RGS7: variants seen among roughly 807,000 people sequenced by gnomAD.
RGS7 encodes the protein regulator of G-protein signaling 7.
Under a neutral mutation model 81.1 loss-of-function variants are expected in RGS7, and 27 were observed. That is an observed-to-expected ratio of 0.33 (90% CI 0.25 to 0.46). RGS7 has a LOEUF of 0.46. RGS7 is among the 20% of genes least tolerant of loss of function. The pLI is 1.00. For missense variants in RGS7, 396 were observed against 607.4 expected (o/e 0.65, Z 3.66); for synonymous variants, 208 against 207.7 (o/e 1.00, Z -0.01).
At chr1:240,839,501 A>G (rs1180268546) in intron 9 of RGS7, among the ~76,000 whole-genome samples, 1 of 152,218 alleles carries the variant, frequency 6.6e-6, no homozygotes, top group Non-Finnish European at 1.5e-5. Context: ...TATTTAGGAA[A>G]ACTTATCAGT....
At chr1:241,110,974 C>T (rs142901572) in intron 2 of RGS7, among the ~76,000 whole-genome samples, 121 of 152,194 alleles carry the variant, frequency 8.0e-4, no homozygotes, top group Middle Eastern at 3.4e-3. Flanking sequence ...AGTGAGCCAC[C>T]GTGCTTGGCC....
rs759944109 is a variant in RGS7, at chr1:240,813,661, G to A, written c.913C>T (p.Pro305Ser). Residue 305 changes from proline (P) to serine (S), a missense_variant, in exon 13 of 19, where the codon CCA (proline) becomes TCA (serine). Coordinates refer to ENST00000440928, the MANE Select transcript of RGS7 (RefSeq NM_001364886.1). ...PFLLPPDPSNPWLSDDTTFWE... is the reference protein window; with the variant it reads ...PFLLPPDPSNSWLSDDTTFWE... ...AAAGTGGTGTCATCGGACAGCCATG[G>A]GTTAGAAGGGTCAGGTGGCAAAAGA... 1 of 1,613,896 alleles carries A rather than the reference G, an allele frequency of 6.2e-7. No individual in the cohort carries two copies. Among genetic ancestry groups the A allele is most frequent in the Non-Finnish European group, 8.5e-7 (1 of 1,179,782 alleles).
intron 4 of RGS7, among the ~76,000 whole-genome samples, chr1:240,963,755 C>T (rs1004786236): frequency 9.2e-5 from 14 of 152,230 alleles, no homozygotes; most frequent in East Asian, 5.8e-4. Flanking sequence ...GAATAGCTAG[C>T]GTGGACCATG....
intron 2 of RGS7, among the ~76,000 whole-genome samples, chr1:241,355,156 G>A (rs917836628): frequency 1.3e-5 from 2 of 152,048 alleles, no homozygotes; most frequent in African/African-American, 2.4e-5. Context: ...AATACCCCAA[G>A]TCATAAAAGT....
At chr1:240,885,787 TA>T (rs1479369714) in intron 6 of RGS7, among the ~76,000 whole-genome samples, 1 of 152,050 alleles carries the variant, frequency 6.6e-6, no homozygotes, top group Non-Finnish European at 1.5e-5. Context: ...AGAAAAACAT[TA>T]AGTATTGGGT....
rs76725432 is a variant in RGS7 at position 240,826,169 on chromosome 1, C to T, written c.684+929G>A. On this transcript the variant is annotated intron_variant, in intron 10 of 18. Transcript: ENST00000440928. ...TCGCCTCTCTCTTGGAGAGTTCCTACGGGCAGAAGCATTTGAGCACCGCAT... is the reference window on the plus strand; with the variant it reads ...TCGCCTCTCTCTTGGAGAGTTCCTATGGGCAGAAGCATTTGAGCACCGCAT... Among the ~76,000 whole-genome samples the T allele has an allele frequency of 8.3e-3, 1,257 of 152,292 alleles. 17 individuals carry two copies. Among genetic ancestry groups the T allele is most frequent in the African/African-American group, 0.027 (1,119 of 41,554 alleles).
intron 2 of RGS7, among the ~76,000 whole-genome samples, chr1:241,244,162 G>A: frequency 6.6e-6 from 1 of 152,036 alleles, no homozygotes; most frequent in Non-Finnish European, 1.5e-5. Flanking sequence ...CCATCAGAGT[G>A]AACAGGCAAC....
At chr1:241,060,017 C>T (rs562899422) in intron 3 of RGS7, among the ~76,000 whole-genome samples, 11 of 152,244 alleles carry the variant, frequency 7.2e-5, no homozygotes, top group African/African-American at 2.4e-4. Context: ...CTCAAATTCA[C>T]CCATTTCTCT....
At chr1:240,955,426 C>CCT (rs1304561510) in intron 4 of RGS7, among the ~76,000 whole-genome samples, 1 of 151,920 alleles carries the variant, frequency 6.6e-6, no homozygotes, top group African/African-American at 2.4e-5. Context: ...GTGGTGGGCG[C>CCT]CTGTAGTCTC....
At chr1:241,334,911 G>T (rs898455880) in intron 2 of RGS7, among the ~76,000 whole-genome samples, 11 of 152,108 alleles carry the variant, frequency 7.2e-5, no homozygotes, top group African/African-American at 2.7e-4. Flanking sequence ...TGACATATTA[G>T]AAGTCATTAA....
intron 2 of RGS7, among the ~76,000 whole-genome samples, chr1:241,226,907 C>T (rs936136748): frequency 6.6e-6 from 1 of 152,104 alleles, no homozygotes; most frequent in Non-Finnish European, 1.5e-5. Context: ...ATAGGTACTC[C>T]CCTCTTTTTT....
chr1:240,970,413 C>G (rs1185766183), intron 4 of RGS7, among the ~76,000 whole-genome samples: 1 of 152,164 alleles, frequency 6.6e-6, no homozygotes, highest in Non-Finnish European at 1.5e-5. Flanking sequence ...ATGGAAACAA[C>G]AGTCACTCGT....
chr1:240,852,909 G>A (rs535753689), intron 9 of RGS7, among the ~76,000 whole-genome samples: 2 of 152,228 alleles, frequency 1.3e-5, no homozygotes, highest in South Asian at 4.1e-4. Flanking sequence ...TGAAGGAAAA[G>A]ACCAATTTTA....
chr1:240,826,905 C>A (rs766259602), intron 10 of RGS7, among the ~76,000 whole-genome samples, 193 bp downstream of exon 10: 1 of 152,054 alleles, frequency 6.6e-6, no homozygotes, highest in Non-Finnish European at 1.5e-5. Context: ...TCAGTCATGA[C>A]CACCGCTCTG....
chr1:240,784,459 T>C (rs1395174944), intron 18 of RGS7, among the ~76,000 whole-genome samples: 1 of 150,588 alleles, frequency 6.6e-6, no homozygotes, highest in Admixed American at 6.6e-5. Flanking sequence ...GCTAACACAG[T>C]GAAACCTCGT....
At chr1:241,227,085 ACT>A (rs1370627582) in intron 2 of RGS7, among the ~76,000 whole-genome samples, 1 of 152,166 alleles carries the variant, frequency 6.6e-6, no homozygotes, top group Non-Finnish European at 1.5e-5. Context: ...CTGATGAGGA[ACT>A]CCAAGGACCT....
chr1:241,331,884 A>G (rs1179255006), intron 2 of RGS7, among the ~76,000 whole-genome samples: 1 of 152,198 alleles, frequency 6.6e-6, no homozygotes, highest in Non-Finnish European at 1.5e-5. Context: ...GTCACTAGAG[A>G]AGCATCAATA....
At position 241,300,099 on chromosome 1, in the gene RGS7, A is replaced by C. The variant is rs111716978; in HGVS notation, c.78+55600T>G. Among the ~76,000 whole-genome samples, 454 of 151,964 alleles carry C rather than the reference A, an allele frequency of 3.0e-3. 2 individuals carry two copies. The highest frequency in any genetic ancestry group is 0.01 in the African/African-American group (433 of 41,430). The stretch of plus-strand genomic sequence containing the variant: ...CACTGCACTCCAACCTGGGTGATAG[A>C]GCAAGACCATGTCTCAAAAAAAAAA... On this transcript the variant is annotated intron_variant, in intron 2 of 18. Coordinates refer to ENST00000440928, the MANE Select transcript of RGS7 (RefSeq NM_001364886.1).
chr1:240,971,818 T>A (rs1222367780), intron 4 of RGS7, among the ~76,000 whole-genome samples: 18 of 152,218 alleles, frequency 1.2e-4, no homozygotes, highest in Admixed American at 1.2e-3. Flanking sequence ...AGCGGTCATT[T>A]TTATTGATCT....
Sources: allele counts gnomAD v4.1 joint callset (sites outside exome capture counted in the v4.1 genomes callset), GRCh38; gene constraint gnomAD v4.1.1; transcripts MANE v1.5; gene names NCBI Gene and HGNC (gene_info 2026-07-23, HGNC 2026-07-21).